The following AFAP1 variants were observed in gnomAD, a reference collection of about 807,000 sequenced individuals.
AFAP1 encodes the protein actin filament-associated protein 1.
AFAP1 carries 75 observed loss-of-function variants against 93.9 expected under a neutral mutation model. The ratio of observed to expected loss-of-function variants is 0.80; its 90% CI spans 0.66 to 0.97. The LOEUF (loss-of-function observed/expected upper bound fraction) is 0.97. AFAP1 is among the 50% of genes least tolerant of loss of function. The probability of loss-of-function intolerance (pLI) is 0.00; values close to 1 mark genes in which losing one functional copy is unlikely to be tolerated. For synonymous variants in AFAP1, 517 were observed against 430.7 expected, an observed-to-expected ratio of 1.20 and a Z score of -2.48; for missense variants, 1,201 against 1,050.8, an observed-to-expected ratio of 1.14 and a Z score of -1.98.
At chr4:7,847,706 A>G (rs1420870513) in intron 4 of AFAP1, among the ~76,000 whole-genome samples, 1 of 150,582 alleles carries the variant, frequency 6.6e-6, no homozygotes, top group Non-Finnish European at 1.5e-5. Context: ...AGCAGGGAAA[A>G]GAATTCCTGA....
chr4:7,802,470 T>C (rs887805006), intron 9 of AFAP1, among the ~76,000 whole-genome samples: 1 of 152,174 alleles, frequency 6.6e-6, no homozygotes, highest in African/African-American at 2.4e-5. Context: ...TCCCAGATAA[T>C]GTGAAGTATC....
intron 1 of AFAP1, among the ~76,000 whole-genome samples, chr4:7,894,858 C>A (rs1416501428): frequency 1.3e-5 from 2 of 152,142 alleles, no homozygotes; most frequent in Admixed American, 1.3e-4. Context: ...GAAGCTCCAA[C>A]CACGAGGGGA....
At chr4:7,832,409 A>G (rs996898811) in intron 6 of AFAP1, among the ~76,000 whole-genome samples, 1 of 152,052 alleles carries the variant, frequency 6.6e-6, no homozygotes, top group Non-Finnish European at 1.5e-5. Flanking sequence ...ATGGGGTCAG[A>G]ACCACATGCT....
chr4:7,774,619 C>T (rs1299243649), intron 15 of AFAP1, 120 bp downstream of exon 15: 1 of 1,376,176 alleles, frequency 7.3e-7, no homozygotes, highest in African/African-American at 1.5e-5. Context: ...TGAGATAACC[C>T]ACTCTTACTA....
intron 6 of AFAP1, among the ~76,000 whole-genome samples, chr4:7,831,415 T>C (rs1306478356): frequency 3.3e-5 from 5 of 149,478 alleles, no homozygotes; most frequent in Admixed American, 2.7e-4. Context: ...AAAAAAATTC[T>C]TGCAATTAAC....
intron 5 of AFAP1, among the ~76,000 whole-genome samples, chr4:7,840,307 T>G (rs201809562): frequency 0.25 from 21,890 of 86,174 alleles, 1,877 homozygotes; most frequent in Admixed American, 0.3. Flanking sequence ...GTTTTTGGGG[T>G]GTGTGTGTGT....
chr4:7,927,630 G>A (rs763130429), intron 1 of AFAP1, among the ~76,000 whole-genome samples: 1 of 152,160 alleles, frequency 6.6e-6, no homozygotes, highest in Non-Finnish European at 1.5e-5. Context: ...TTTAAGACCA[G>A]TGTGGGCAAC....
At chr4:7,793,323 G>A (rs916561319) in intron 11 of AFAP1, among the ~76,000 whole-genome samples, 15 of 152,132 alleles carry the variant, frequency 9.9e-5, no homozygotes, top group African/African-American at 2.7e-4. Flanking sequence ...TCCAGGCCAC[G>A]GCCTGTTTTT....
intron 17 of AFAP1, among the ~76,000 whole-genome samples, chr4:7,765,752 G>A (rs748288884): frequency 1.8e-4 from 28 of 152,336 alleles, no homozygotes; most frequent in South Asian, 6.2e-4. Flanking sequence ...AGACGCCAGG[G>A]CCAGACCTTC....
At chr4:7,891,296 T>C (rs1432494893) in intron 1 of AFAP1, among the ~76,000 whole-genome samples, 2 of 152,208 alleles carry the variant, frequency 1.3e-5, no homozygotes, top group Non-Finnish European at 2.9e-5. Context: ...CAGCAGGGGC[T>C]GTGAGTGAAT....
intron 11 of AFAP1, among the ~76,000 whole-genome samples, chr4:7,793,276 T>C (rs1718061375): frequency 6.6e-6 from 1 of 152,232 alleles, no homozygotes; most frequent in Admixed American, 6.5e-5. Context: ...CGTAGAACTG[T>C]TCCCCTAATA....
chr4:7,783,071 CA>C (rs1390573742), intron 12 of AFAP1, among the ~76,000 whole-genome samples: 2 of 152,184 alleles, frequency 1.3e-5, no homozygotes, highest in Non-Finnish European at 2.9e-5. Context: ...GTCTAAGCAT[CA>C]GGGGGAACGT....
intron 6 of AFAP1, among the ~76,000 whole-genome samples, chr4:7,830,384 G>C (rs1222269939): frequency 6.6e-6 from 1 of 152,194 alleles, no homozygotes; most frequent in Non-Finnish European, 1.5e-5. Flanking sequence ...GAAACGCGAG[G>C]CTGTGGGACA....
chr4:7,759,972 G>C lies in AFAP1; in HGVS notation c.*3793C>G, dbSNP rs1175387721. Reference sequence around the variant, plus strand: ...CCTCACCTGGGTGGCAAAGTCTGTGGGCAAAATTTACATCCCCCCAAATAG... The same window carrying C: ...CCTCACCTGGGTGGCAAAGTCTGTGCGCAAAATTTACATCCCCCCAAATAG... On this transcript the variant is annotated 3_prime_UTR_variant, in exon 18 of 18. Coordinates refer to ENST00000420658, the MANE Select transcript of AFAP1 (RefSeq NM_001134647.2). 1 of 152,180 alleles carries C rather than the reference G, an allele frequency of 6.6e-6. No homozygotes were observed. Among genetic ancestry groups the C allele is most frequent in the African/African-American group, 2.4e-5 (1 of 41,416 alleles). The allele number at this position is 152,180 out of a possible 1,614,324, so 9.4% of individuals were successfully genotyped here.
intron 6 of AFAP1, among the ~76,000 whole-genome samples, chr4:7,829,172 C>G (rs1721682499): frequency 6.6e-6 from 1 of 152,206 alleles, no homozygotes; most frequent in South Asian, 2.1e-4. Context: ...GTCAATGTAA[C>G]CTCTTTCCTT....
chr4:7,779,116 A>G, intron 13 of AFAP1: 3 of 473,532 alleles, frequency 6.3e-6, no homozygotes, highest in Non-Finnish European at 1.1e-5. Context: ...CCGCTGGAAC[A>G]CTGCAGAAGT....
intron 1 of AFAP1, among the ~76,000 whole-genome samples, chr4:7,874,530 ATTTTTT>A (rs71175435): frequency 9.1e-4 from 47 of 51,502 alleles, no homozygotes; most frequent in African/African-American, 4.3e-3. Flanking sequence ...TGCCCAGCTA[ATTTTTT>A]TTTTTTTTTT....
intron 10 of AFAP1, chr4:7,798,801 TCAC>T (rs1718738995): frequency 2.4e-6 from 2 of 840,974 alleles, no homozygotes; most frequent in Non-Finnish European, 2.9e-6. Context: ...GGTGACTTCT[TCAC>T]CAAACAGCTC....
At chr4:7,852,773 A>G (rs982206793) in intron 4 of AFAP1, among the ~76,000 whole-genome samples, 1 of 152,166 alleles carries the variant, frequency 6.6e-6, no homozygotes, top group South Asian at 2.1e-4. Context: ...CCTTGTTTTG[A>G]TAAGAATATA....
Sources: allele counts gnomAD v4.1 joint callset (sites outside exome capture counted in the v4.1 genomes callset), GRCh38; gene constraint gnomAD v4.1.1; transcripts MANE v1.5; gene names NCBI Gene and HGNC (gene_info 2026-07-23, HGNC 2026-07-21).